Variants in PTPRE observed in about 807,000 individuals in gnomAD.
PTPRE encodes the protein receptor-type tyrosine-protein phosphatase epsilon.
PTPRE carries 51 observed loss-of-function variants against 102.0 expected under a neutral mutation model. The ratio of observed to expected loss-of-function variants is 0.50; its 90% confidence interval spans 0.40 to 0.63. PTPRE has a LOEUF of 0.63. PTPRE is among the 30% of genes least tolerant of loss of function. The pLI is 0.00. For missense variants in PTPRE, 752 were observed against 915.1 expected (o/e 0.82, Z 2.30); for synonymous variants, 345 against 348.2 (o/e 0.99, Z 0.10).
intron 7 of PTPRE, among the ~76,000 whole-genome samples, chr10:128,060,588 C>T: frequency 6.6e-6 from 1 of 152,194 alleles, no homozygotes; most frequent in East Asian, 1.9e-4. Flanking sequence ...GTGCAGGGTT[C>T]ATAAAATACA....
intron 2 of PTPRE, chr10:128,000,055 T>G: frequency 3.8e-6 from 3 of 782,394 alleles, no homozygotes; most frequent in Non-Finnish European, 4.7e-6. Context: ...AAAATGCATT[T>G]TCCATGAGTC....
intron 6 of PTPRE, among the ~76,000 whole-genome samples, chr10:128,052,833 C>A (rs1226901728): frequency 6.6e-6 from 1 of 152,196 alleles, no homozygotes; most frequent in Non-Finnish European, 1.5e-5. Context: ...CCCTGGAGCT[C>A]CATAGAGCAG....
At chr10:128,045,774 C>T (rs1015203658) in intron 3 of PTPRE, among the ~76,000 whole-genome samples, 3 of 152,190 alleles carry the variant, frequency 2.0e-5, no homozygotes, top group South Asian at 2.1e-4. Context: ...AGGTCAAAGG[C>T]GGGGGACTGT....
intron 20 of PTPRE, 36 bp downstream of exon 20, chr10:128,079,731 G>A: frequency 6.3e-7 from 1 of 1,587,614 alleles, no homozygotes; most frequent in Admixed American, 1.7e-5. Context: ...CAGAAGAGTG[G>A]AGAATTATTT....
intron 5 of PTPRE, among the ~76,000 whole-genome samples, chr10:128,048,381 AAAC>A (rs1210633184): frequency 7.2e-5 from 11 of 152,198 alleles, no homozygotes; most frequent in Non-Finnish European, 1.2e-4. Context: ...GATGACCGAG[AAAC>A]GTGTGTAAGG....
At chr10:127,953,594 G>A (rs944649071) in intron 1 of PTPRE, among the ~76,000 whole-genome samples, 3 of 152,212 alleles carry the variant, frequency 2.0e-5, no homozygotes, top group African/African-American at 7.2e-5. Flanking sequence ...GCATAAGTAA[G>A]TTACATGAAG....
chr10:128,069,880 G>A, intron 13 of PTPRE, 53 bp downstream of exon 13: 1 of 1,613,124 alleles, frequency 6.2e-7, no homozygotes, highest in South Asian at 1.1e-5. Flanking sequence ...CAAACCCGAT[G>A]CCTTCGCCAC....
chr10:128,066,191 G>C lies in PTPRE; in HGVS notation c.840G>C (p.Gln280His). The change falls in exon 11 of 21, where the codon CAG (glutamine) becomes CAC (histidine). Residue 280 changes from glutamine (Q) to histidine (H), a missense_variant. By Grantham distance (24) the Gln-to-His change is conservative. Coordinates refer to ENST00000254667, the MANE Select transcript of PTPRE (RefSeq NM_006504.6). ...VDYTIRKFCI[Q>H]PQLPDGCKAP... ...ACACCATCCGGAAGTTCTGCATACA[G>C]CCAGTAAGCATCTCTAGTTGCTGCC... 1 of 1,613,586 alleles carries C rather than the reference G, an allele frequency of 6.2e-7. No homozygotes were observed. Among genetic ancestry groups the C allele is most frequent in the African/African-American group, 1.3e-5 (1 of 75,056 alleles).
intron 2 of PTPRE, among the ~76,000 whole-genome samples, chr10:128,021,116 C>T (rs547050986): frequency 5.3e-5 from 8 of 152,122 alleles, no homozygotes; most frequent in Non-Finnish European, 1.2e-4. Context: ...AGGATGGTCT[C>T]GATCTCCTGA....
intron 2 of PTPRE, among the ~76,000 whole-genome samples, chr10:127,996,711 A>G (rs1371019264): frequency 2.6e-5 from 4 of 152,328 alleles, no homozygotes; most frequent in Non-Finnish European, 2.9e-5. Context: ...AGGTGCACCA[A>G]TGGCTGGATC....
At chr10:128,038,468 T>C (rs1390482566) in intron 2 of PTPRE, among the ~76,000 whole-genome samples, 1 of 152,146 alleles carries the variant, frequency 6.6e-6, no homozygotes, top group African/African-American at 2.4e-5. Context: ...CATGGAATAC[T>C]ATGCAGCCAT....
At chr10:128,072,407 C>G (rs762425922) in intron 16 of PTPRE, 193 bp downstream of exon 16, 30 of 509,502 alleles carry the variant, frequency 5.9e-5, no homozygotes, top group Non-Finnish European at 9.3e-5. Flanking sequence ...AATCCCAACA[C>G]TTTGGGAAGC....
intron 2 of PTPRE, among the ~76,000 whole-genome samples, chr10:128,006,791 A>G (rs371256963): frequency 6.6e-6 from 1 of 152,178 alleles, no homozygotes; most frequent in Non-Finnish European, 1.5e-5. Context: ...AAGTCCCACA[A>G]AAGACTCTTT....
At chr10:127,935,110 G>A (rs558710263) in intron 1 of PTPRE, among the ~76,000 whole-genome samples, 5 of 152,116 alleles carry the variant, frequency 3.3e-5, no homozygotes. Context: ...GCACCAGGAC[G>A]CGTGACTGAC....
At chr10:127,939,128 C>T (rs1848040429) in intron 1 of PTPRE, among the ~76,000 whole-genome samples, 1 of 152,154 alleles carries the variant, frequency 6.6e-6, no homozygotes, top group South Asian at 2.1e-4. Flanking sequence ...ATTTAAATAG[C>T]ATAACATGCC....
chr10:128,002,538 A>G (rs1411164415), intron 2 of PTPRE, among the ~76,000 whole-genome samples: 3 of 152,144 alleles, frequency 2.0e-5, no homozygotes, highest in Non-Finnish European at 4.4e-5. Context: ...AAGGATGGAT[A>G]CAGGAAGGGC....
chr10:128,059,262 A>G (rs1468183594), intron 7 of PTPRE, among the ~76,000 whole-genome samples: 1 of 152,202 alleles, frequency 6.6e-6, no homozygotes, highest in African/African-American at 2.4e-5. Flanking sequence ...AGGGTCTCAC[A>G]GTGAGGTCTG....
chr10:127,916,781 C>T (rs956817727), intron 1 of PTPRE, among the ~76,000 whole-genome samples: 3 of 152,154 alleles, frequency 2.0e-5, no homozygotes, highest in Non-Finnish European at 4.4e-5. Flanking sequence ...GTGTGACGGA[C>T]CAGCAGTTCT....
At chr10:128,034,514 A>AC (rs76724209) in intron 2 of PTPRE, among the ~76,000 whole-genome samples, 1,805 of 150,578 alleles carry the variant, frequency 0.012, 10 homozygotes, top group Middle Eastern at 0.024. Context: ...ACATAGTGAG[A>AC]CCCCCCCCAT....
Sources: gnomAD v4.1 joint callset for allele counts (sites outside exome capture counted in the v4.1 genomes callset) on GRCh38, gnomAD v4.1.1 for gene constraint, MANE v1.5 for transcripts, NCBI Gene and HGNC (gene_info 2026-07-23, HGNC 2026-07-21) for gene names.